Variants in GUCA1C observed in about 807,000 individuals in gnomAD.
The protein encoded by GUCA1C is guanylyl cyclase-activating protein 3.
A neutral mutation model predicts 16.2 loss-of-function variants in GUCA1C; 15 were observed. That is an observed-to-expected ratio of 0.93 (90% confidence interval 0.62 to 1.43). The LOEUF (loss-of-function observed/expected upper bound fraction) is 1.43, where lower values mean the gene tolerates loss of function less well. GUCA1C is among the 40% of genes most tolerant of loss of function. GUCA1C has a pLI of 0.00. For missense variants in GUCA1C, 275 were observed against 244.8 expected (o/e 1.12, Z -0.82); for synonymous variants, 78 against 85.4 (o/e 0.91, Z 0.48).
chr3:108,938,419 G>A (rs1946751359), intron 1 of GUCA1C, among the ~76,000 whole-genome samples: 1 of 152,054 alleles, frequency 6.6e-6, no homozygotes, highest in African/African-American at 2.4e-5. Flanking sequence ...TCAGAAGTAA[G>A]GAAACCCAGA....
intron 3 of GUCA1C, among the ~76,000 whole-genome samples, chr3:108,909,373 G>A (rs569405385): frequency 1.1e-4 from 16 of 152,326 alleles, no homozygotes; most frequent in African/African-American, 3.8e-4. Context: ...ATAGGGAGTA[G>A]AGAAGATTGC....
chr3:108,910,946 G>A (rs191281240), intron 3 of GUCA1C, among the ~76,000 whole-genome samples: 2 of 152,136 alleles, frequency 1.3e-5, no homozygotes, highest in African/African-American at 2.4e-5. Context: ...CACCGCACCC[G>A]GCCGACACAT....
intron 1 of GUCA1C, among the ~76,000 whole-genome samples, chr3:108,946,806 C>T (rs1458928447): frequency 7.4e-6 from 1 of 135,768 alleles, no homozygotes; most frequent in Non-Finnish European, 1.5e-5. Context: ...AGAACTATTA[C>T]AGAAAAAAAA....
chr3:108,939,327 T>C (rs1559846965), intron 1 of GUCA1C, among the ~76,000 whole-genome samples: 1 of 100,020 alleles, frequency 1.0e-5, no homozygotes, highest in Admixed American at 9.9e-5. Context: ...TTCAAGGCTT[T>C]TTTTTTTTTT....
At chr3:108,929,103 ATTTCT>A in intron 1 of GUCA1C, among the ~76,000 whole-genome samples, 1 of 152,198 alleles carries the variant, frequency 6.6e-6, no homozygotes. Context: ...TAGTTCTTTG[ATTTCT>A]TTTATCAGAG....
At chr3:108,931,402 A>G (rs1234531958) in intron 1 of GUCA1C, among the ~76,000 whole-genome samples, 1 of 152,240 alleles carries the variant, frequency 6.6e-6, no homozygotes, top group African/African-American at 2.4e-5. Flanking sequence ...TTTTCACTGT[A>G]TGGTTTTTAA....
At chr3:108,952,779 C>G (rs1946907456) in intron 1 of GUCA1C, among the ~76,000 whole-genome samples, 1 of 151,894 alleles carries the variant, frequency 6.6e-6, no homozygotes, top group Non-Finnish European at 1.5e-5. Flanking sequence ...TTGAAATATA[C>G]AAATCTACAG....
rs867115142 is a variant in GUCA1C at position 108,911,877 on chromosome 3, G to A, written c.443-3668C>T. ...TCCCTGAACTTTGGGAGGCCGAGGC[G>A]GGCGGATCGCCTGAGGTCAGGAGAT... On this transcript the variant is annotated intron_variant, in intron 3 of 3. Coordinates refer to ENST00000261047, the MANE Select transcript of GUCA1C (RefSeq NM_005459.4). 5.9e-5 allele frequency among the ~76,000 whole-genome samples: 9 copies of A among 151,964 alleles called. No homozygotes were observed. In the South Asian group the frequency reaches 6.2e-4, roughly 11 times the overall value.
intron 1 of GUCA1C, among the ~76,000 whole-genome samples, chr3:108,947,284 T>C (rs1397296462): frequency 1.3e-5 from 2 of 152,136 alleles, no homozygotes; most frequent in African/African-American, 4.8e-5. Flanking sequence ...ATTCTTTAAG[T>C]AGAAGTGGAT....
chr3:108,915,262 T>C (rs893281041), intron 3 of GUCA1C, among the ~76,000 whole-genome samples: 1 of 152,230 alleles, frequency 6.6e-6, no homozygotes, highest in Non-Finnish European at 1.5e-5. Flanking sequence ...GGTTGATGCC[T>C]TTGGAAGGAG....
chr3:108,908,352 T>TAAAAAAAAAA (rs1468970590), intron 3 of GUCA1C, 143 bp from the exon 4 acceptor site: 6 of 346,692 alleles, frequency 1.7e-5, no homozygotes, highest in African/African-American at 1.6e-4. Flanking sequence ...GATCTTCATT[T>TAAAAAAAAAA]AAACAAAAAA....
At chr3:108,932,693 G>A (rs918940320) in intron 1 of GUCA1C, among the ~76,000 whole-genome samples, 4 of 152,016 alleles carry the variant, frequency 2.6e-5, no homozygotes, top group African/African-American at 4.8e-5. Flanking sequence ...AGGCTGAGGC[G>A]GGTGGATCAC....
At chr3:108,908,441 A>G (rs9848567) in intron 3 of GUCA1C, among the ~76,000 whole-genome samples, 6,194 of 152,130 alleles carry the variant, frequency 0.041, 120 homozygotes, top group Middle Eastern at 0.068. Context: ...AGTTGAAAAC[A>G]TCAGGTAATG....
At position 108,907,992 on chromosome 3, in the gene GUCA1C, C is replaced by T. The variant is rs1265625302; in HGVS notation, c.*30G>A. 2.0e-6 allele frequency: 3 copies of T among 1,516,274 alleles called. No individual in the cohort carries two copies. The highest frequency in any genetic ancestry group is 1.8e-6 in the Non-Finnish European group (2 of 1,099,384). 93.9% of individuals were successfully genotyped at this position (1,516,274 alleles called of 1,614,324 possible). On this transcript the variant is annotated 3_prime_UTR_variant, in exon 4 of 4. Transcript: ENST00000261047. ...TTCTTCTCTACTGAAATGTTGTGCT[C>T]ATTGATAGCTGGGACAGGTATTCTC...
chr3:108,913,928 T>C (rs946119601), intron 3 of GUCA1C, among the ~76,000 whole-genome samples: 5 of 151,918 alleles, frequency 3.3e-5, no homozygotes, highest in Admixed American at 1.3e-4. Flanking sequence ...TAGCTGGGCA[T>C]GGTGGGGGGA....
intron 1 of GUCA1C, among the ~76,000 whole-genome samples, chr3:108,944,313 C>A (rs1180120315): frequency 1.3e-5 from 2 of 152,164 alleles, no homozygotes; most frequent in East Asian, 3.9e-4. Context: ...CCCTGTCTGG[C>A]AGATGCACCT....
At chr3:108,948,470 T>C (rs1576558257) in intron 1 of GUCA1C, among the ~76,000 whole-genome samples, 3 of 152,306 alleles carry the variant, frequency 2.0e-5, no homozygotes, top group African/African-American at 4.8e-5. Flanking sequence ...TCTCACGTAG[T>C]TCTTTATGGC....
chr3:108,955,054 A>G (rs1364278416), upstream of GUCA1C, among the ~76,000 whole-genome samples: 1 of 151,372 alleles, frequency 6.6e-6, no homozygotes, highest in African/African-American at 2.4e-5. Context: ...TTCTAACCTC[A>G]CTCAATTCTT....
chr3:108,932,328 A>G, intron 1 of GUCA1C, among the ~76,000 whole-genome samples: 1 of 117,548 alleles, frequency 8.5e-6, no homozygotes, highest in African/African-American at 3.8e-5. Context: ...CCCACCAAAA[A>G]AAAAAAAAAA....
Sources: allele counts gnomAD v4.1 joint callset (sites outside exome capture counted in the v4.1 genomes callset), GRCh38; gene constraint gnomAD v4.1.1; transcripts MANE v1.5; gene names NCBI Gene and HGNC (gene_info 2026-07-23, HGNC 2026-07-21).